The following SLC2A13 variants were observed in gnomAD, a reference collection of about 807,000 sequenced individuals.
SLC2A13 encodes solute carrier family 2 member 13.
Under a neutral mutation model 64.4 loss-of-function variants are expected in SLC2A13, and 32 were observed. The observed-to-expected ratio is 0.50, with a 90% confidence interval of 0.37 to 0.67. The LOEUF (loss-of-function observed/expected upper bound fraction) is 0.67. SLC2A13 is among the 30% of genes least tolerant of loss of function. The pLI, the probability that SLC2A13 is intolerant of heterozygous loss-of-function variation, is 0.00. For synonymous variants in SLC2A13, 338 were observed against 327.1 expected, an observed-to-expected ratio of 1.03 and a Z score of -0.36; for missense variants, 743 against 829.2, an observed-to-expected ratio of 0.90 and a Z score of 1.28.
At chr12:39,917,961 T>TA (rs1180145645) in intron 4 of SLC2A13, among the ~76,000 whole-genome samples, 5 of 151,694 alleles carry the variant, frequency 3.3e-5, no homozygotes, top group Non-Finnish European at 4.4e-5. Context: ...TCCAAAGATT[T>TA]AAAAAAAAGG....
chr12:40,014,946 C>A (rs916483792), intron 3 of SLC2A13, among the ~76,000 whole-genome samples: 1 of 152,082 alleles, frequency 6.6e-6, no homozygotes, highest in Non-Finnish European at 1.5e-5. Flanking sequence ...TCTAAGACCG[C>A]TGAATTAAGT....
intron 6 of SLC2A13, among the ~76,000 whole-genome samples, chr12:39,855,295 T>C (rs1943578670): frequency 6.6e-6 from 1 of 152,268 alleles, no homozygotes; most frequent in African/African-American, 2.4e-5. Flanking sequence ...ATAACAAGTT[T>C]ATTTTTAAAA....
intron 7 of SLC2A13, among the ~76,000 whole-genome samples, chr12:39,808,936 A>T (rs761469187): frequency 6.6e-6 from 1 of 151,728 alleles, no homozygotes; most frequent in African/African-American, 2.4e-5. Context: ...CAATATATCA[A>T]TTTTTTCTTT....
intron 3 of SLC2A13, among the ~76,000 whole-genome samples, chr12:39,973,402 A>G (rs1321113259): frequency 1.3e-5 from 2 of 152,176 alleles, no homozygotes; most frequent in Non-Finnish European, 2.9e-5. Context: ...CCTGATATCC[A>G]AACTTTGGAA....
intron 1 of SLC2A13, among the ~76,000 whole-genome samples, chr12:40,060,655 TA>T (rs1948404355): frequency 6.6e-6 from 1 of 152,090 alleles, no homozygotes; most frequent in African/African-American, 2.4e-5. Context: ...CAGAAAACAG[TA>T]AAATAGTATC....
chr12:39,942,714 C>T (rs867256312), intron 4 of SLC2A13, among the ~76,000 whole-genome samples: 1 of 152,150 alleles, frequency 6.6e-6, no homozygotes, highest in African/African-American at 2.4e-5. Context: ...GCTCCTTTAG[C>T]TCGGAGGAGT....
At chr12:40,053,637 T>G (rs529968550) in intron 1 of SLC2A13, among the ~76,000 whole-genome samples, 1 of 152,276 alleles carries the variant, frequency 6.6e-6, no homozygotes, top group South Asian at 2.1e-4. Context: ...CCACCAGACA[T>G]CATGTTAAAG....
chr12:39,875,126 A>G (rs554752274), intron 4 of SLC2A13, among the ~76,000 whole-genome samples: 2 of 152,296 alleles, frequency 1.3e-5, no homozygotes, highest in East Asian at 3.9e-4. Context: ...AAAACAAAAC[A>G]CATTTATTAT....
chr12:39,992,973 A>C (rs2136169405), intron 3 of SLC2A13, among the ~76,000 whole-genome samples: 1 of 152,338 alleles, frequency 6.6e-6, no homozygotes, highest in East Asian at 1.9e-4. Flanking sequence ...TGCTGACTTA[A>C]ATATTTAAAA....
At chr12:40,000,903 C>T (rs1034370054) in intron 3 of SLC2A13, among the ~76,000 whole-genome samples, 1 of 152,154 alleles carries the variant, frequency 6.6e-6, no homozygotes, top group Non-Finnish European at 1.5e-5. Context: ...TACTTAATCC[C>T]AGTGGAACAG....
chr12:39,844,525 A>G (rs540812866), intron 6 of SLC2A13, among the ~76,000 whole-genome samples: 9 of 152,234 alleles, frequency 5.9e-5, no homozygotes, highest in African/African-American at 1.9e-4. Context: ...AAAGCAACTC[A>G]GTGTTCTTTT....
intron 3 of SLC2A13, among the ~76,000 whole-genome samples, chr12:40,002,522 AT>A (rs1210159193): frequency 6.6e-6 from 1 of 152,240 alleles, no homozygotes; most frequent in Non-Finnish European, 1.5e-5. Flanking sequence ...ACTATTAAAC[AT>A]GAAATGAATG....
At chr12:39,887,144 C>T (rs1265006108) in intron 4 of SLC2A13, among the ~76,000 whole-genome samples, 3 of 152,122 alleles carry the variant, frequency 2.0e-5, no homozygotes, top group African/African-American at 7.2e-5. Context: ...ATATTTAACA[C>T]TTTAAATTTT....
At chr12:39,993,224 A>G (rs1947169983) in intron 3 of SLC2A13, among the ~76,000 whole-genome samples, 1 of 152,240 alleles carries the variant, frequency 6.6e-6, no homozygotes, top group Non-Finnish European at 1.5e-5. Flanking sequence ...CATAAATAGC[A>G]ATGACTATTC....
chr12:40,068,048 G>A (rs1395199747), intron 1 of SLC2A13, among the ~76,000 whole-genome samples: 1 of 151,958 alleles, frequency 6.6e-6, no homozygotes, highest in Non-Finnish European at 1.5e-5. Context: ...GGGCAACGGG[G>A]AACCACTACC....
At chr12:39,941,585 A>G (rs571422028) in intron 4 of SLC2A13, among the ~76,000 whole-genome samples, 57 of 152,224 alleles carry the variant, frequency 3.7e-4, no homozygotes, top group Admixed American at 5.9e-4. Flanking sequence ...AGAATTGTCT[A>G]TTCATGTCCT....
chr12:39,768,309 A>T (rs1566764615), intron 7 of SLC2A13, among the ~76,000 whole-genome samples: 1 of 152,052 alleles, frequency 6.6e-6, no homozygotes, highest in Non-Finnish European at 1.5e-5. Flanking sequence ...AACTTTCTTC[A>T]TATCGGCAAT....
At chr12:39,993,260 C>T (rs1237574694) in intron 3 of SLC2A13, among the ~76,000 whole-genome samples, 1 of 151,980 alleles carries the variant, frequency 6.6e-6, no homozygotes, top group East Asian at 1.9e-4. Context: ...TAAAAATTTC[C>T]AATAATTTGA....
chr12:40,070,169 A>C (rs983743155), intron 1 of SLC2A13, among the ~76,000 whole-genome samples: 5 of 151,866 alleles, frequency 3.3e-5, no homozygotes, highest in African/African-American at 7.3e-5. Context: ...AAAAAAAAAA[A>C]CTCAGAGACT....
Sources: gnomAD v4.1 joint callset for allele counts (sites outside exome capture counted in the v4.1 genomes callset) on GRCh38, gnomAD v4.1.1 for gene constraint, MANE v1.5 for transcripts, NCBI Gene and HGNC (gene_info 2026-07-23, HGNC 2026-07-21) for gene names.